Variants in MAN1A2 observed in about 807,000 individuals in gnomAD.
The protein encoded by MAN1A2 is mannosyl-oligosaccharide 1,2-alpha-mannosidase IB.
A neutral mutation model predicts 75.7 loss-of-function variants in MAN1A2; 26 were observed. That is an observed-to-expected ratio of 0.34 (90% CI 0.25 to 0.48). The LOEUF (loss-of-function observed/expected upper bound fraction) is 0.48. Ranked by LOEUF, MAN1A2 falls within the 20% of genes least tolerant of loss-of-function variation. The pLI, the probability that MAN1A2 is intolerant of heterozygous loss-of-function variation, is 0.99. For synonymous variants in MAN1A2, 247 were observed against 264.6 expected (o/e 0.93, Z 0.65); for missense variants, 562 against 775.5 (o/e 0.72, Z 3.27).
chr1:117,368,137 A>G lies in MAN1A2; in HGVS notation c.-47A>G, dbSNP rs773212859. 11 of 1,517,992 alleles carry G rather than the reference A, an allele frequency of 7.2e-6. No homozygotes were observed. The East Asian group carries it at 2.0e-4, about 28-fold the overall frequency. The allele number at this position is 1,517,992 out of a possible 1,614,324, so 94.0% of individuals were successfully genotyped here. A position where few individuals can be genotyped will look rare whatever the true frequency, so the allele number is the denominator to read the frequency against. On this transcript the variant is annotated 5_prime_UTR_variant, in exon 1 of 13. Transcript: ENST00000356554. ...GACAGTTCAATGTATTCTACATTTG[A>G]CATAAGATGAGAACTTTCTAAAGTA...
At chr1:117,435,050 G>C (rs942711912) in intron 5 of MAN1A2, among the ~76,000 whole-genome samples, 1 of 151,970 alleles carries the variant, frequency 6.6e-6, no homozygotes, top group African/African-American at 2.4e-5. Context: ...TACTAGATTA[G>C]AGGGGGAAGA....
At chr1:117,387,368 A>G (rs1653569997) in intron 1 of MAN1A2, among the ~76,000 whole-genome samples, 1 of 152,172 alleles carries the variant, frequency 6.6e-6, no homozygotes, top group Non-Finnish European at 1.5e-5. Context: ...TGTAGCCAGT[A>G]GTTGTGATTC....
intron 5 of MAN1A2, 96 bp downstream of exon 5, chr1:117,420,745 A>G: frequency 5.8e-6 from 5 of 862,620 alleles, no homozygotes; most frequent in Non-Finnish European, 9.7e-6. Flanking sequence ...AGTTTTCTAA[A>G]TTGGTAATAT....
At chr1:117,494,821 C>A (rs971528228) in intron 9 of MAN1A2, 5 of 151,868 alleles carry the variant, frequency 3.3e-5, no homozygotes, top group African/African-American at 7.2e-5. Context: ...CTTAGTAATT[C>A]CCACTAGACT....
intron 6 of MAN1A2, among the ~76,000 whole-genome samples, chr1:117,451,118 A>G (rs534148112): frequency 6.6e-6 from 1 of 152,240 alleles, no homozygotes; most frequent in African/African-American, 2.4e-5. Flanking sequence ...CTGCAAAGCC[A>G]TAGGGGCAGA....
chr1:117,462,868 C>T (rs543501165), intron 7 of MAN1A2, among the ~76,000 whole-genome samples: 2 of 152,204 alleles, frequency 1.3e-5, no homozygotes, highest in South Asian at 4.1e-4. Flanking sequence ...AAACTCAAGA[C>T]TACAGATACA....
chr1:117,478,399 A>G (rs1244416663), intron 8 of MAN1A2, among the ~76,000 whole-genome samples: 1 of 151,944 alleles, frequency 6.6e-6, no homozygotes, highest in Non-Finnish European at 1.5e-5. Context: ...AGTGTTGAAA[A>G]GCAGAAGATT....
At chr1:117,429,689 T>G (rs1394049979) in intron 5 of MAN1A2, among the ~76,000 whole-genome samples, 1 of 70,562 alleles carries the variant, frequency 1.4e-5, no homozygotes, top group South Asian at 5.6e-4. Flanking sequence ...CTGGACGGGG[T>G]GGCTGGCCGG....
Position 117,442,251 on chromosome 1 carries a change from G to A in MAN1A2, c.876G>A (p.Val292=), listed in dbSNP as rs780478354. 18 of 1,606,924 alleles carry A rather than the reference G, an allele frequency of 1.1e-5. No individual in the cohort carries two copies. The highest frequency in any genetic ancestry group is 1.5e-5 in the Non-Finnish European group (18 of 1,173,682). Residue 292 remains valine, a synonymous_variant, in exon 6 of 13, where the codon GTG becomes GTA. Transcript: ENST00000356554. The part of the protein sequence containing the change: ...SGEEIFKIKA[V]QLAEKLLPAF... ...CTCAGATATTCAAGATTAAAGCAGT[G>A]CAATTGGCTGAGAAACTCCTTCCTG...
intron 8 of MAN1A2, among the ~76,000 whole-genome samples, chr1:117,485,355 C>T (rs1159485289): frequency 6.6e-6 from 1 of 151,892 alleles, no homozygotes; most frequent in Non-Finnish European, 1.5e-5. Flanking sequence ...ATAACGTCAC[C>T]ACTGTGGCCA....
chr1:117,467,241 G>A (rs1016801182), intron 8 of MAN1A2, among the ~76,000 whole-genome samples: 10 of 152,180 alleles, frequency 6.6e-5, no homozygotes, highest in Admixed American at 1.3e-4. Flanking sequence ...CAACTTTGCC[G>A]CTAATAAAAC....
At chr1:117,460,242 C>T (rs527815383) in intron 6 of MAN1A2, among the ~76,000 whole-genome samples, 4 of 151,904 alleles carry the variant, frequency 2.6e-5, no homozygotes, top group African/African-American at 9.7e-5. Context: ...TTCTGTGGAG[C>T]CTGATGAGGT....
intron 1 of MAN1A2, among the ~76,000 whole-genome samples, chr1:117,394,133 G>T (rs1163958252): frequency 1.3e-5 from 2 of 151,522 alleles, no homozygotes; most frequent in Admixed American, 1.3e-4. Context: ...CCAGGCTGGA[G>T]TGCAGTGGCG....
intron 4 of MAN1A2, among the ~76,000 whole-genome samples, chr1:117,416,543 T>G (rs1168594867): frequency 2.0e-5 from 3 of 152,224 alleles, no homozygotes. Context: ...TATATCATTA[T>G]TATCAGTCAG....
At chr1:117,438,899 C>G (rs1648935813) in intron 5 of MAN1A2, among the ~76,000 whole-genome samples, 1 of 152,042 alleles carries the variant, frequency 6.6e-6, no homozygotes, top group African/African-American at 2.4e-5. Context: ...TGTCATTATA[C>G]ATGATGGAAC....
intron 3 of MAN1A2, among the ~76,000 whole-genome samples, chr1:117,408,302 TAA>T (rs1245208449): frequency 8.4e-4 from 101 of 119,608 alleles, no homozygotes; most frequent in Non-Finnish European, 1.0e-3. Context: ...CCCTTTCTCT[TAA>T]AAAAAAAAAA....
intron 8 of MAN1A2, among the ~76,000 whole-genome samples, chr1:117,489,683 A>T (rs1650821001): frequency 6.6e-6 from 1 of 152,020 alleles, no homozygotes; most frequent in South Asian, 2.1e-4. Flanking sequence ...TTCGCTTAAG[A>T]TCATTTACTT....
intron 3 of MAN1A2, among the ~76,000 whole-genome samples, chr1:117,405,990 G>A (rs1480748911): frequency 1.3e-5 from 2 of 152,032 alleles, no homozygotes; most frequent in Non-Finnish European, 1.5e-5. Context: ...ACATTACAGA[G>A]GAAGAGGGGA....
chr1:117,415,427 C>T (rs935904464), intron 4 of MAN1A2, among the ~76,000 whole-genome samples: 1 of 152,192 alleles, frequency 6.6e-6, no homozygotes, highest in East Asian at 1.9e-4. Flanking sequence ...CACTACTTCT[C>T]TATGTACTTC....
Sources: gnomAD v4.1 joint callset for allele counts (sites outside exome capture counted in the v4.1 genomes callset) on GRCh38, gnomAD v4.1.1 for gene constraint, MANE v1.5 for transcripts, NCBI Gene and HGNC (gene_info 2026-07-23, HGNC 2026-07-21) for gene names.